Variants in PDE4B observed in about 807,000 individuals in gnomAD.
PDE4B encodes the protein 3',5'-cyclic-AMP phosphodiesterase 4B.
In PDE4B, 20 loss-of-function variants were observed where a neutral mutation model predicts 82.2. That is an observed-to-expected ratio of 0.24 (90% confidence interval 0.17 to 0.35). PDE4B has a LOEUF of 0.35. Ranked by LOEUF, PDE4B falls within the 10% of genes least tolerant of loss-of-function variation. The probability of loss-of-function intolerance (pLI) is 1.00; values close to 1 mark genes in which losing one functional copy is unlikely to be tolerated. For missense variants in PDE4B, 655 were observed against 907.2 expected (o/e 0.72, Z 3.57); for synonymous variants, 320 against 318.9 (o/e 1.00, Z -0.04).
At chr1:66,040,384 G>T (rs894029835) in intron 3 of PDE4B, among the ~76,000 whole-genome samples, 5 of 152,110 alleles carry the variant, frequency 3.3e-5, no homozygotes, top group African/African-American at 1.2e-4. Flanking sequence ...GGGGCTGGAG[G>T]CACAAATACA....
chr1:65,935,894 G>A (rs59144079), intron 3 of PDE4B, among the ~76,000 whole-genome samples: 6,077 of 152,094 alleles, frequency 0.04, 482 homozygotes, highest in East Asian at 0.36. Context: ...CCGAGATCAC[G>A]CTGTTATACT....
intron 3 of PDE4B, among the ~76,000 whole-genome samples, chr1:65,938,854 A>T (rs1229600211): frequency 6.6e-6 from 1 of 152,192 alleles, no homozygotes; most frequent in Non-Finnish European, 1.5e-5. Flanking sequence ...ATTGGATTTT[A>T]TCCTGAGGGC....
At chr1:66,107,749 A>G (rs1367173374) in intron 3 of PDE4B, among the ~76,000 whole-genome samples, 1 of 151,852 alleles carries the variant, frequency 6.6e-6, no homozygotes, top group African/African-American at 2.4e-5. Context: ...TGAAGATTGG[A>G]TACTGTAAAA....
chr1:66,365,105 A>G (rs1663136481), intron 12 of PDE4B, among the ~76,000 whole-genome samples: 1 of 152,204 alleles, frequency 6.6e-6, no homozygotes, highest in Non-Finnish European at 1.5e-5. Context: ...CTTCTTAGAA[A>G]GGTTCTCAAA....
chr1:66,158,069 G>A (rs1322589095), intron 3 of PDE4B, among the ~76,000 whole-genome samples: 1 of 152,132 alleles, frequency 6.6e-6, no homozygotes, highest in Non-Finnish European at 1.5e-5. Context: ...TGGTACAGAA[G>A]CATTTCACAC....
chr1:66,116,303 A>T (rs1645592485), intron 3 of PDE4B, among the ~76,000 whole-genome samples: 1 of 152,144 alleles, frequency 6.6e-6, no homozygotes, highest in Non-Finnish European at 1.5e-5. Context: ...GAAAGGGTCC[A>T]TTAAAAAGCT....
intron 7 of PDE4B, among the ~76,000 whole-genome samples, chr1:66,297,341 A>G (rs1657583980): frequency 6.6e-6 from 1 of 152,040 alleles, no homozygotes; most frequent in Non-Finnish European, 1.5e-5. Flanking sequence ...TACTTTTATA[A>G]GTAACTTATT....
At chr1:66,202,243 T>G (rs1257733817) in intron 3 of PDE4B, among the ~76,000 whole-genome samples, 1 of 151,954 alleles carries the variant, frequency 6.6e-6, no homozygotes, top group African/African-American at 2.4e-5. Flanking sequence ...CTTTTACATT[T>G]GTTGAGGAGT....
intron 3 of PDE4B, among the ~76,000 whole-genome samples, chr1:66,041,040 T>C (rs1488111404): frequency 6.6e-6 from 1 of 151,970 alleles, no homozygotes; most frequent in Non-Finnish European, 1.5e-5. Context: ...CAGCTGGGCG[T>C]GTCTTCAAAT....
chr1:66,153,462 G>A (rs1010532380), intron 3 of PDE4B, among the ~76,000 whole-genome samples: 2 of 152,162 alleles, frequency 1.3e-5, no homozygotes, highest in African/African-American at 4.8e-5. Context: ...TGTAACCTGA[G>A]GGGGGTCAAG....
chr1:65,918,712 C>T lies in PDE4B; in HGVS notation c.158C>T (p.Pro53Leu). 6.2e-7 allele frequency: 1 copy of T among 1,612,618 alleles called. No individual in the cohort carries two copies. Among genetic ancestry groups the T allele is most frequent in the Non-Finnish European group, 8.5e-7 (1 of 1,178,666 alleles). ...RRCCSGNLQL[P>L]PLSQRQSERA... ...TGTTGCTCAGGAAACTTACAGTTAC[C>T]ACCACTGTCTCAAAGACAGAGTGAA... Residue 53 changes from proline to leucine, a missense_variant, in exon 3 of 17, where the codon CCA becomes CTA. Physicochemically the swap from Pro to Leu is moderately conservative, Grantham distance 98. Coordinates refer to ENST00000341517, the MANE Select transcript of PDE4B (RefSeq NM_002600.4).
At chr1:65,865,600 G>A (rs1016052452) in intron 1 of PDE4B, among the ~76,000 whole-genome samples, 4 of 152,258 alleles carry the variant, frequency 2.6e-5, no homozygotes, top group African/African-American at 9.6e-5. Flanking sequence ...GGGCCCAATA[G>A]CACAGTCCCT....
intron 1 of PDE4B, among the ~76,000 whole-genome samples, chr1:65,864,676 T>A (rs72933447): frequency 0.018 from 2,721 of 152,304 alleles, 86 homozygotes; most frequent in African/African-American, 0.063. Context: ...CCTGTTCACC[T>A]GGGTATTACC....
At chr1:66,120,325 C>T (rs534585193) in intron 3 of PDE4B, among the ~76,000 whole-genome samples, 46 of 146,676 alleles carry the variant, frequency 3.1e-4, no homozygotes, top group African/African-American at 1.2e-3. Flanking sequence ...TGGGGTATGC[C>T]TAGGAGTAGC....
chr1:65,879,045 T>C (rs1024339252), intron 1 of PDE4B, among the ~76,000 whole-genome samples: 5 of 152,164 alleles, frequency 3.3e-5, no homozygotes, highest in Non-Finnish European at 4.4e-5. Context: ...TTATTCCCAG[T>C]TTAGAAATGA....
intron 3 of PDE4B, among the ~76,000 whole-genome samples, chr1:66,056,536 T>TATCTATC (rs1557529450): frequency 6.7e-4 from 41 of 60,808 alleles, no homozygotes; most frequent in East Asian, 3.2e-3. Context: ...ATCTATCATC[T>TATCTATC]ATCTATCTAT....
chr1:65,939,350 T>C (rs1360891167), intron 3 of PDE4B, among the ~76,000 whole-genome samples: 1 of 152,066 alleles, frequency 6.6e-6, no homozygotes. Context: ...CCTTTTCCCT[T>C]TCTACTGGTT....
chr1:66,090,621 A>ATATATATATATATGTGTGTG, intron 3 of PDE4B, among the ~76,000 whole-genome samples: 6 of 122,732 alleles, frequency 4.9e-5, no homozygotes, highest in African/African-American at 2.5e-4. Flanking sequence ...TATATAATAT[A>ATATATATATATATGTGTGTG]TGTGTGTGTG....
At chr1:66,041,207 G>T (rs1311442847) in intron 3 of PDE4B, among the ~76,000 whole-genome samples, 1 of 151,906 alleles carries the variant, frequency 6.6e-6, no homozygotes, top group African/African-American at 2.4e-5. Context: ...TAAACTGTTG[G>T]CTTACTTCCT....
Sources: gnomAD v4.1 joint callset for allele counts (sites outside exome capture counted in the v4.1 genomes callset) on GRCh38, gnomAD v4.1.1 for gene constraint, MANE v1.5 for transcripts, NCBI Gene and HGNC (gene_info 2026-07-23, HGNC 2026-07-21) for gene names.